Variants in CACNA1C observed in about 807,000 individuals in gnomAD.
CACNA1C encodes calcium voltage-gated channel subunit alpha1 C, also known as voltage-dependent L-type calcium channel subunit alpha-1C.
A neutral mutation model predicts 229.0 loss-of-function variants in CACNA1C; 30 were observed. That is an observed-to-expected ratio of 0.13 (90% CI 0.10 to 0.18). The LOEUF is 0.18. CACNA1C is among the 10% of genes least tolerant of loss of function. The pLI is 1.00. For missense variants in CACNA1C, 1,658 were observed against 2,845.0 expected (o/e 0.58, Z 9.49); for synonymous variants, 1,114 against 1,132.5 (o/e 0.98, Z 0.33).
intron 10 of CACNA1C, among the ~76,000 whole-genome samples, chr12:2,553,401 G>T (rs903925086): frequency 6.6e-6 from 1 of 152,222 alleles, no homozygotes; most frequent in Non-Finnish European, 1.5e-5. Flanking sequence ...CTCTGATGAA[G>T]GGGTCAGTGA....
At chr12:2,036,993 C>T (rs2049269976) in intron 1 of CACNA1C, among the ~76,000 whole-genome samples, 1 of 152,132 alleles carries the variant, frequency 6.6e-6, no homozygotes, top group African/African-American at 2.4e-5. Flanking sequence ...ACTCATTTCC[C>T]CTTGTTTTCA....
rs146868811 is a variant in CACNA1C at position 2,653,882 on chromosome 12, C to T, written c.4122C>T (p.Tyr1374=). The change falls in exon 33 of 47, where the codon TAC becomes TAT. Residue 1374 remains tyrosine, a synonymous_variant. Transcript: ENST00000399655. This position sits in a 1 kb window ranked among gnomAD's most constrained non-coding sequence, Gnocchi z 4.7. ...TGATCGTGATGCTGTTCTTCATCTA[C>T]GCGGTGATCGGGATGCAGGTAGGGA... ...ALLIVMLFFI[Y]AVIGMQVFGK... The T allele has an allele frequency of 4.5e-5, 73 of 1,613,878 alleles. No homozygotes were observed. In the African/African-American group the frequency reaches 5.3e-4, roughly 12 times the overall value.
At chr12:2,361,122 C>T (rs982498910) in intron 3 of CACNA1C, among the ~76,000 whole-genome samples, 2 of 151,584 alleles carry the variant, frequency 1.3e-5, no homozygotes, top group African/African-American at 4.9e-5. Context: ...TTATTTCACA[C>T]ACTTATTTGC....
rs971650349 is a variant in CACNA1C, at chr12:2,678,642, G to A, written c.5091+775G>A. Reference sequence around the variant, plus strand: ...GTGGAACACACAGGGGGCAAGCTGAGCCCATCCTGCCCCTGCTCCGTCTCT... The same window carrying A: ...GTGGAACACACAGGGGGCAAGCTGAACCCATCCTGCCCCTGCTCCGTCTCT... On this transcript the variant is annotated intron_variant, in intron 41 of 46. Coordinates refer to ENST00000399655, the MANE Select transcript of CACNA1C (RefSeq NM_000719.7). This position sits in a 1 kb window ranked among gnomAD's most constrained non-coding sequence, Gnocchi z 4.1. Among the ~76,000 whole-genome samples the A allele has an allele frequency of 6.6e-6, 1 of 152,208 alleles. No homozygotes were observed. Among genetic ancestry groups the A allele is most frequent in the African/African-American group, 2.4e-5 (1 of 41,444 alleles).
intron 34 of CACNA1C, among the ~76,000 whole-genome samples, chr12:2,659,278 G>C (rs1374056557): frequency 6.6e-6 from 1 of 152,000 alleles, no homozygotes; most frequent in Non-Finnish European, 1.5e-5. Context: ...TATTTTTACT[G>C]TTCCTTTTCA....
chr12:2,142,840 A>G (rs575403423), intron 3 of CACNA1C, among the ~76,000 whole-genome samples: 2 of 151,456 alleles, frequency 1.3e-5, no homozygotes, highest in Non-Finnish European at 3.0e-5. Context: ...TTGTACAGCT[A>G]TACAGTGTGT....
Position 2,653,383 on chromosome 12 carries a change from T to A in CACNA1C, c.4075-452T>A, listed in dbSNP as rs1389961063. On this transcript the variant is annotated intron_variant, in intron 32 of 46. Coordinates refer to ENST00000399655, the MANE Select transcript of CACNA1C (RefSeq NM_000719.7). The surrounding 1 kb of genome is among the most constrained non-coding windows in gnomAD (Gnocchi z 4.7). ...AATTTTTCCTTATTAAATGTTTCCATTGCAATAGTAATACCCGCTCACTAC... is the reference window on the plus strand; with the variant it reads ...AATTTTTCCTTATTAAATGTTTCCAATGCAATAGTAATACCCGCTCACTAC... Among the ~76,000 whole-genome samples the A allele has an allele frequency of 6.6e-6, 1 of 152,194 alleles. No individual in the cohort carries two copies. Among genetic ancestry groups the A allele is most frequent in the African/African-American group, 2.4e-5 (1 of 41,450 alleles).
At chr12:2,258,609 G>A (rs1219603812) in intron 3 of CACNA1C, among the ~76,000 whole-genome samples, 1 of 152,282 alleles carries the variant, frequency 6.6e-6, no homozygotes, top group South Asian at 2.1e-4. Context: ...GGGGTAACTG[G>A]GACTGGGTTT....
chr12:2,052,708 C>T (rs2052581008), upstream of CACNA1C, among the ~76,000 whole-genome samples: 1 of 145,304 alleles, frequency 6.9e-6, no homozygotes, highest in Non-Finnish European at 1.5e-5. Flanking sequence ...CGCCGGCGGC[C>T]GGGGCCCGCT....
intron 3 of CACNA1C, among the ~76,000 whole-genome samples, chr12:2,345,366 G>A (rs934029175): frequency 1.3e-5 from 2 of 152,092 alleles, no homozygotes; most frequent in African/African-American, 4.8e-5. Context: ...AGCCCTGGAA[G>A]GAGGGCCACA....
intron 4 of CACNA1C, 35 bp downstream of exon 4, chr12:2,449,150 T>C: frequency 4.1e-6 from 6 of 1,462,634 alleles, no homozygotes; most frequent in Non-Finnish European, 5.5e-6. Flanking sequence ...CCCTTTATCT[T>C]ACCAGTGTTG....
At chr12:2,303,812 T>C (rs926124208) in intron 3 of CACNA1C, among the ~76,000 whole-genome samples, 15 of 152,226 alleles carry the variant, frequency 9.9e-5, no homozygotes, top group Non-Finnish European at 2.9e-5. Flanking sequence ...CTCAGTCTGA[T>C]GTCCAAGGAG....
At position 2,067,753 on chromosome 12, in the gene CACNA1C, A is replaced by C. The variant is rs111970179; in HGVS notation, c.49+14142A>C. Among the ~76,000 whole-genome samples, 3,602 of 152,174 alleles carry C rather than the reference A, an allele frequency of 0.024. 124 individuals carry two copies. Among genetic ancestry groups the C allele is most frequent in the African/African-American group, 0.082 (3,386 of 41,486 alleles). On this transcript the variant is annotated intron_variant, in intron 1 of 46. Coordinates refer to ENST00000399655, the MANE Select transcript of CACNA1C (RefSeq NM_000719.7). This position sits in a 1 kb window ranked among gnomAD's most constrained non-coding sequence, Gnocchi z 5.3. ...CACTGTTAACCTCAGTCAGGGCGCA[A>C]CGGTAGAAAGGAGGAGTGATGGGGC...
chr12:2,111,771 A>G (rs976751766), intron 1 of CACNA1C, among the ~76,000 whole-genome samples: 3 of 152,202 alleles, frequency 2.0e-5, no homozygotes, highest in African/African-American at 7.2e-5. Flanking sequence ...GAGCAAAATT[A>G]GAGTTCCAGC....
At position 2,692,319 on chromosome 12, in the gene CACNA1C, T is replaced by A. The variant is rs1446289649; in HGVS notation, c.*1120T>A. On this transcript the variant is annotated 3_prime_UTR_variant, in exon 47 of 47. Coordinates refer to ENST00000399655, the MANE Select transcript of CACNA1C (RefSeq NM_000719.7). ...GTTGGGTTCCTTTTTATGCTGGGTG[T>A]ACAGGTGGGTTTGGGAGAGAGGAGC... 1 of 152,312 alleles carries A rather than the reference T, an allele frequency of 6.6e-6. No individual in the cohort carries two copies. The highest frequency in any genetic ancestry group is 1.5e-5 in the Non-Finnish European group (1 of 68,076). The allele number at this position is 152,312 out of a possible 1,614,324, so 9.4% of individuals were successfully genotyped here. A position where few individuals can be genotyped will look rare whatever the true frequency, so the allele number is the denominator to read the frequency against.
chr12:2,526,775 C>T (rs892200382), intron 9 of CACNA1C, among the ~76,000 whole-genome samples: 3 of 152,112 alleles, frequency 2.0e-5, no homozygotes, highest in African/African-American at 7.2e-5. Context: ...CTGCAGAGAG[C>T]CTAAGAAGAG....
chr12:2,337,978 T>C (rs2096750713), intron 3 of CACNA1C, among the ~76,000 whole-genome samples: 1 of 152,212 alleles, frequency 6.6e-6, no homozygotes. Flanking sequence ...CCCCTTTCTC[T>C]GCTTCAGCAC....
At chr12:2,050,335 A>C (rs1169699435), upstream of CACNA1C, among the ~76,000 whole-genome samples, 10 of 152,224 alleles carry the variant, frequency 6.6e-5, no homozygotes. Flanking sequence ...TCGAAGTCTC[A>C]GTTTCCATAT....
chr12:2,484,800 C>CT (rs1401208853), intron 5 of CACNA1C, among the ~76,000 whole-genome samples: 1 of 151,164 alleles, frequency 6.6e-6, no homozygotes, highest in Non-Finnish European at 1.5e-5. Flanking sequence ...GTGTATACAA[C>CT]TTGCTAATTA....
Sources: gnomAD v4.1 joint callset for allele counts (sites outside exome capture counted in the v4.1 genomes callset) on GRCh38, gnomAD v4.1.1 for gene constraint, Gnocchi (gnomAD v3.1) non-coding constraint, MANE v1.5 for transcripts, NCBI Gene and HGNC (gene_info 2026-07-23, HGNC 2026-07-21) for gene names.